Variants in ZNF804A observed in about 807,000 individuals in gnomAD.
The protein encoded by ZNF804A is zinc finger protein 804A.
ZNF804A carries 2 observed loss-of-function variants against 16.5 expected under a neutral mutation model. The observed-to-expected ratio is 0.12, with a 90% CI of 0.05 to 0.38. The LOEUF is 0.38. Ranked by LOEUF, ZNF804A falls within the 10% of genes least tolerant of loss-of-function variation. ZNF804A has a pLI of 0.99. For synonymous variants in ZNF804A, 534 were observed against 489.6 expected, an observed-to-expected ratio of 1.09 and a Z score of -1.20; for missense variants, 1,473 against 1,390.7, an observed-to-expected ratio of 1.06 and a Z score of -0.94.
chr2:184,894,021 A>T (rs1046934137), intron 2 of ZNF804A, among the ~76,000 whole-genome samples: 1 of 152,194 alleles, frequency 6.6e-6, no homozygotes, highest in Non-Finnish European at 1.5e-5. Flanking sequence ...TTGTCTAATC[A>T]TAAAACCTTC....
At chr2:184,699,692 A>T (rs533938361) in intron 1 of ZNF804A, among the ~76,000 whole-genome samples, 1 of 152,298 alleles carries the variant, frequency 6.6e-6, no homozygotes, top group African/African-American at 2.4e-5. Flanking sequence ...AGCAACTAAA[A>T]TACAAAATAG....
chr2:184,636,460 A>T (rs879847906), intron 1 of ZNF804A, among the ~76,000 whole-genome samples: 1,771 of 99,442 alleles, frequency 0.018, 37 homozygotes, highest in Non-Finnish European at 0.024. Flanking sequence ...TGTGAGAGAG[A>T]GAGAGAGAGA....
chr2:184,846,357 C>T (rs1695516849), intron 1 of ZNF804A, among the ~76,000 whole-genome samples: 1 of 152,026 alleles, frequency 6.6e-6, no homozygotes, highest in African/African-American at 2.4e-5. Context: ...TGCCTTTTTT[C>T]TACCTTTCAG....
intron 1 of ZNF804A, among the ~76,000 whole-genome samples, chr2:184,820,576 G>A (rs1261954949): frequency 1.3e-5 from 2 of 152,060 alleles, no homozygotes; most frequent in African/African-American, 4.8e-5. Flanking sequence ...GGACAATCAG[G>A]CAAGAGAAAG....
At chr2:184,786,483 A>T (rs983921312) in intron 1 of ZNF804A, among the ~76,000 whole-genome samples, 1 of 152,064 alleles carries the variant, frequency 6.6e-6, no homozygotes, top group Non-Finnish European at 1.5e-5. Flanking sequence ...TAATAGTACC[A>T]TTAAGGAAAT....
intron 1 of ZNF804A, among the ~76,000 whole-genome samples, chr2:184,711,081 A>G (rs1001861195): frequency 1.3e-5 from 2 of 151,692 alleles, no homozygotes; most frequent in South Asian, 2.1e-4. Context: ...AGATGTGACT[A>G]TTGTTTTTAT....
chr2:184,730,525 G>C (rs1225702736), intron 1 of ZNF804A, among the ~76,000 whole-genome samples: 1 of 152,090 alleles, frequency 6.6e-6, no homozygotes, highest in South Asian at 2.1e-4. Flanking sequence ...ATTTTGTGCT[G>C]TATTCAACCT....
intron 1 of ZNF804A, among the ~76,000 whole-genome samples, chr2:184,722,114 G>C (rs1245869158): frequency 6.6e-6 from 1 of 151,826 alleles, no homozygotes. Flanking sequence ...TATGGGTTGG[G>C]GGGGATGAAG....
intron 1 of ZNF804A, among the ~76,000 whole-genome samples, chr2:184,864,471 C>A (rs967727678): frequency 6.6e-6 from 1 of 152,076 alleles, no homozygotes; most frequent in East Asian, 1.9e-4. Flanking sequence ...GTAAGAGTCA[C>A]CTTTGTTGTG....
At chr2:184,863,566 AC>A (rs972451192) in intron 1 of ZNF804A, among the ~76,000 whole-genome samples, 3 of 151,568 alleles carry the variant, frequency 2.0e-5, no homozygotes, top group Admixed American at 1.3e-4. Flanking sequence ...AAAAAAAAAA[AC>A]ACCTTACAAC....
At chr2:184,604,213 C>T (rs1311025699) in intron 1 of ZNF804A, among the ~76,000 whole-genome samples, 2 of 108,872 alleles carry the variant, frequency 1.8e-5, no homozygotes, top group Non-Finnish European at 3.4e-5. Context: ...TCTTTTTGCC[C>T]AGGCTGGAGT....
chr2:184,918,977 G>T (rs899351539), intron 2 of ZNF804A, among the ~76,000 whole-genome samples: 14 of 152,030 alleles, frequency 9.2e-5, no homozygotes, highest in Admixed American at 5.9e-4. Flanking sequence ...CTTTCAAAAG[G>T]CCATTCTACC....
At chr2:184,880,969 A>G (rs1317933160) in intron 2 of ZNF804A, among the ~76,000 whole-genome samples, 1 of 152,164 alleles carries the variant, frequency 6.6e-6, no homozygotes, top group African/African-American at 2.4e-5. Context: ...AATGAAGATC[A>G]TCGACATTCA....
intron 1 of ZNF804A, among the ~76,000 whole-genome samples, chr2:184,651,228 C>T (rs1288297510): frequency 1.3e-5 from 2 of 152,096 alleles, no homozygotes; most frequent in Non-Finnish European, 2.9e-5. Context: ...GTTGGGATAA[C>T]TGGCTAGCCA....
At chr2:184,783,138 G>GTTTTTTTTTTTTT (rs57207733) in intron 1 of ZNF804A, among the ~76,000 whole-genome samples, 2 of 86,104 alleles carry the variant, frequency 2.3e-5, no homozygotes, top group African/African-American at 4.0e-5. Context: ...AAAAGAGTGA[G>GTTTTTTTTTTTTT]TTTTTTTTTT....
intron 1 of ZNF804A, among the ~76,000 whole-genome samples, chr2:184,620,942 T>A (rs566438545): frequency 2.0e-5 from 3 of 151,800 alleles, no homozygotes; most frequent in African/African-American, 7.2e-5. Context: ...TTATTTGGAT[T>A]TTTAATAGCA....
At chr2:184,881,635 A>G (rs1441679695) in intron 2 of ZNF804A, among the ~76,000 whole-genome samples, 1 of 152,072 alleles carries the variant, frequency 6.6e-6, no homozygotes, top group East Asian at 1.9e-4. Flanking sequence ...CTTAAAGAAA[A>G]GAATTACTAA....
At chr2:184,798,158 C>T (rs748441392) in intron 1 of ZNF804A, among the ~76,000 whole-genome samples, 2 of 151,792 alleles carry the variant, frequency 1.3e-5, no homozygotes, top group Non-Finnish European at 2.9e-5. Flanking sequence ...TTTTGTCTGA[C>T]AGCTCTTAAG....
intron 1 of ZNF804A, among the ~76,000 whole-genome samples, chr2:184,629,884 G>A (rs1344138363): frequency 6.6e-6 from 1 of 152,092 alleles, no homozygotes; most frequent in Non-Finnish European, 1.5e-5. Context: ...GCTGAGTGCT[G>A]GGGATAAAAG....
Sources: allele counts gnomAD v4.1 joint callset (sites outside exome capture counted in the v4.1 genomes callset), GRCh38; gene constraint gnomAD v4.1.1; transcripts MANE v1.5; gene names NCBI Gene and HGNC (gene_info 2026-07-23, HGNC 2026-07-21).